RAB3C: variants seen among roughly 807,000 people sequenced by gnomAD.
The protein encoded by RAB3C is RAB3C, member RAS oncogene family, also known as ras-related protein Rab-3C.
RAB3C carries 17 observed loss-of-function variants against 26.4 expected under a neutral mutation model. That is an observed-to-expected ratio of 0.64 (90% CI 0.44 to 0.97). The LOEUF (loss-of-function observed/expected upper bound fraction) is 0.97, where lower values mean the gene tolerates loss of function less well. RAB3C is among the 50% of genes least tolerant of loss of function. The probability of loss-of-function intolerance (pLI) is 0.00; values close to 1 mark genes in which losing one functional copy is unlikely to be tolerated. For missense variants in RAB3C, 242 were observed against 281.9 expected, an observed-to-expected ratio of 0.86 and a Z score of 1.01; for synonymous variants, 91 against 95.9, an observed-to-expected ratio of 0.95 and a Z score of 0.30.
intron 2 of RAB3C, among the ~76,000 whole-genome samples, chr5:58,627,599 G>A (rs1281996955): frequency 6.7e-6 from 1 of 149,104 alleles, no homozygotes. Context: ...AAAAAGTACA[G>A]CATTTTTCTA....
At chr5:58,582,905 C>G (rs1745930239), upstream of RAB3C, 3 of 528,886 alleles carry the variant, frequency 5.7e-6, no homozygotes, top group East Asian at 4.0e-5. Flanking sequence ...GCTCCGCGGC[C>G]GAGCCCGACT....
At chr5:58,807,425 G>A (rs1329656825) in intron 3 of RAB3C, among the ~76,000 whole-genome samples, 1 of 152,226 alleles carries the variant, frequency 6.6e-6, no homozygotes, top group Non-Finnish European at 1.5e-5. Flanking sequence ...CTACTATGCA[G>A]TAGGTCTTAG....
rs530196336 is a variant in RAB3C, at chr5:58,856,057, C to T, written c.*4706C>T. ...CTCAACAGTCACTCACACGCTCACTCGCCTGTACAAAGGTATCAGGCAAAC... is the reference window on the plus strand; with the variant it reads ...CTCAACAGTCACTCACACGCTCACTTGCCTGTACAAAGGTATCAGGCAAAC... On this transcript the variant is annotated 3_prime_UTR_variant, in exon 5 of 5. Coordinates refer to ENST00000282878, the MANE Select transcript of RAB3C (RefSeq NM_138453.4). The T allele has an allele frequency of 9.2e-5, 14 of 152,200 alleles. No homozygotes were observed. Among genetic ancestry groups the T allele is most frequent in the East Asian group, 1.9e-4 (1 of 5,182 alleles). The allele number at this position is 152,200 out of a possible 1,614,324, so 9.4% of individuals were successfully genotyped here. A position where few individuals can be genotyped will look rare whatever the true frequency, so the allele number is the denominator to read the frequency against.
chr5:58,678,833 C>T (rs956273302), intron 2 of RAB3C, among the ~76,000 whole-genome samples: 1 of 152,118 alleles, frequency 6.6e-6, no homozygotes, highest in Admixed American at 6.6e-5. Flanking sequence ...TTATTATTGA[C>T]TAAAAGGGCA....
At chr5:58,812,125 GAA>G (rs1743105871) in intron 3 of RAB3C, among the ~76,000 whole-genome samples, 1 of 152,044 alleles carries the variant, frequency 6.6e-6, no homozygotes, top group Non-Finnish European at 1.5e-5. Flanking sequence ...TAAGAAAAAA[GAA>G]AAACAAACCT....
chr5:58,852,443 C>T lies in RAB3C; in HGVS notation c.*1092C>T, dbSNP rs1234197859. 1 of 152,092 alleles carries T rather than the reference C, an allele frequency of 6.6e-6. No individual in the cohort carries two copies. The highest frequency in any genetic ancestry group is 2.4e-5 in the African/African-American group (1 of 41,398). The allele number at this position is 152,092 out of a possible 1,614,324, so 9.4% of individuals were successfully genotyped here. On this transcript the variant is annotated 3_prime_UTR_variant, in exon 5 of 5. Coordinates refer to ENST00000282878, the MANE Select transcript of RAB3C (RefSeq NM_138453.4). ...CTATTTAAATCAGATTTCAAAGGGT[C>T]CCCAGTTGAGAAAAAGGAAAATTTT...
At chr5:58,775,156 C>A (rs10051270) in intron 3 of RAB3C, among the ~76,000 whole-genome samples, 15,581 of 152,166 alleles carry the variant, frequency 0.1, 904 homozygotes, top group Non-Finnish European at 0.14. Context: ...TTTGCCACCA[C>A]ATTTGTCAAA....
chr5:58,852,452 A>C lies in RAB3C; in HGVS notation c.*1101A>C, dbSNP rs1267742487. On this transcript the variant is annotated 3_prime_UTR_variant, in exon 5 of 5. Coordinates refer to ENST00000282878, the MANE Select transcript of RAB3C (RefSeq NM_138453.4). ...TCAGATTTCAAAGGGTCCCCAGTTGAGAAAAAGGAAAATTTTAATCTTTAA... is the reference window on the plus strand; with the variant it reads ...TCAGATTTCAAAGGGTCCCCAGTTGCGAAAAAGGAAAATTTTAATCTTTAA... 2.6e-5 allele frequency: 4 copies of C among 152,234 alleles called. No individual in the cohort carries two copies. 9.4% of individuals were successfully genotyped at this position (152,234 alleles called of 1,614,324 possible).
intron 2 of RAB3C, among the ~76,000 whole-genome samples, chr5:58,643,382 T>C (rs555671470): frequency 2.0e-5 from 3 of 152,366 alleles, no homozygotes; most frequent in South Asian, 2.1e-4. Context: ...TTGGCCGGCT[T>C]ATTTTTATGC....
chr5:58,728,240 C>T (rs970676667), intron 3 of RAB3C, among the ~76,000 whole-genome samples: 2 of 152,014 alleles, frequency 1.3e-5, no homozygotes, highest in African/African-American at 4.8e-5. Context: ...TCAGACATAG[C>T]GTTTAGTACC....
intron 3 of RAB3C, among the ~76,000 whole-genome samples, chr5:58,738,642 A>G (rs1741207647): frequency 3.3e-5 from 5 of 152,202 alleles, no homozygotes; most frequent in Admixed American, 3.3e-4. Context: ...TAGAAGCTAA[A>G]TTATGTAGAT....
intron 2 of RAB3C, among the ~76,000 whole-genome samples, chr5:58,723,966 T>C (rs991418552): frequency 6.6e-6 from 1 of 151,826 alleles, no homozygotes; most frequent in Non-Finnish European, 1.5e-5. Flanking sequence ...ATGCCCCAGG[T>C]CCTGAGGAGG....
At chr5:58,793,696 T>C (rs947907127) in intron 3 of RAB3C, among the ~76,000 whole-genome samples, 8 of 152,076 alleles carry the variant, frequency 5.3e-5, no homozygotes, top group Non-Finnish European at 8.8e-5. Context: ...AAAAGTCTGA[T>C]TTCTGAACCT....
intron 2 of RAB3C, among the ~76,000 whole-genome samples, chr5:58,678,496 A>G (rs963046444): frequency 1.1e-4 from 16 of 152,334 alleles, no homozygotes; most frequent in African/African-American, 3.8e-4. Context: ...TGACATCAGG[A>G]AAGTCATTAG....
chr5:58,592,017 G>C (rs1479386023), intron 1 of RAB3C, among the ~76,000 whole-genome samples: 1 of 151,292 alleles, frequency 6.6e-6, no homozygotes, highest in African/African-American at 2.4e-5. Context: ...TCCTGCCTCA[G>C]CTTTCTGAGT....
At chr5:58,837,326 C>T (rs914465060) in intron 4 of RAB3C, among the ~76,000 whole-genome samples, 2 of 151,820 alleles carry the variant, frequency 1.3e-5, no homozygotes, top group African/African-American at 4.8e-5. Context: ...GGATTACAGG[C>T]GTGCACCATC....
At chr5:58,815,177 A>G (rs1352849361) in intron 3 of RAB3C, among the ~76,000 whole-genome samples, 1 of 152,212 alleles carries the variant, frequency 6.6e-6, no homozygotes, top group Non-Finnish European at 1.5e-5. Flanking sequence ...CAAGTTCCAC[A>G]TTCAACACAA....
chr5:58,704,921 T>G (rs1464575599), intron 2 of RAB3C, among the ~76,000 whole-genome samples: 1 of 152,204 alleles, frequency 6.6e-6, no homozygotes, highest in Non-Finnish European at 1.5e-5. Context: ...CAGAGAGCAC[T>G]TTCAGCATTA....
At chr5:58,689,853 G>T (rs1748526636) in intron 2 of RAB3C, among the ~76,000 whole-genome samples, 1 of 152,110 alleles carries the variant, frequency 6.6e-6, no homozygotes, top group African/African-American at 2.4e-5. Context: ...ACACTGCTTA[G>T]TGTTAAGTGG....
Sources: gnomAD v4.1 joint callset for allele counts (sites outside exome capture counted in the v4.1 genomes callset) on GRCh38, gnomAD v4.1.1 for gene constraint, MANE v1.5 for transcripts, NCBI Gene and HGNC (gene_info 2026-07-23, HGNC 2026-07-21) for gene names.